TYW1B: variants seen among roughly 807,000 people sequenced by gnomAD.
The protein encoded by TYW1B is tRNA-yW synthesizing protein 1 homolog B, also known as S-adenosyl-L-methionine-dependent tRNA 4-demethylwyosine synthase TYW1B.
A neutral mutation model predicts 86.9 loss-of-function variants in TYW1B; 73 were observed. The observed-to-expected ratio is 0.84, with a 90% CI of 0.70 to 1.02. The LOEUF (loss-of-function observed/expected upper bound fraction) is 1.02. TYW1B is among the 50% of genes least tolerant of loss of function. The pLI is 0.00. For missense variants in TYW1B, 637 were observed against 827.4 expected (o/e 0.77, Z 2.82); for synonymous variants, 248 against 292.8 (o/e 0.85, Z 1.56).
intron 9 of TYW1B, among the ~76,000 whole-genome samples, chr7:72,716,180 G>GC (rs1554455928): frequency 6.6e-6 from 1 of 152,154 alleles, no homozygotes. Flanking sequence ...CTCGTGATCT[G>GC]CCCGCCTCGG....
intron 11 of TYW1B, among the ~76,000 whole-genome samples, chr7:72,656,411 G>A (rs1554443641): frequency 2.0e-5 from 3 of 152,166 alleles, no homozygotes; most frequent in African/African-American, 7.2e-5. Context: ...AAGCAAGAAA[G>A]CATGATACCT....
intron 11 of TYW1B, among the ~76,000 whole-genome samples, chr7:72,649,380 G>A (rs1213193481): frequency 6.6e-6 from 1 of 152,104 alleles, no homozygotes; most frequent in Non-Finnish European, 1.5e-5. Context: ...AACAAGAGAG[G>A]TGCCCTATCT....
chr7:72,776,181 A>T (rs1426294359), intron 7 of TYW1B, among the ~76,000 whole-genome samples: 1 of 152,150 alleles, frequency 6.6e-6, no homozygotes, highest in Non-Finnish European at 1.5e-5. Context: ...AATGTGTGAT[A>T]AAAATTACAT....
intron 11 of TYW1B, among the ~76,000 whole-genome samples, chr7:72,636,393 G>T (rs1257782047): frequency 1.3e-5 from 2 of 152,098 alleles, no homozygotes; most frequent in African/African-American, 4.8e-5. Context: ...TACTAAAAAT[G>T]ACATCTTCCT....
At chr7:72,730,749 T>A (rs1324023121) in intron 8 of TYW1B, among the ~76,000 whole-genome samples, 1 of 151,414 alleles carries the variant, frequency 6.6e-6, no homozygotes, top group Admixed American at 6.6e-5. Flanking sequence ...ACAGGAATGA[T>A]GGGACACCAT....
chr7:72,793,899 G>A (rs1788262611), intron 6 of TYW1B, among the ~76,000 whole-genome samples: 1 of 152,112 alleles, frequency 6.6e-6, no homozygotes, highest in Non-Finnish European at 1.5e-5. Context: ...AAAAGAGAGA[G>A]GCTAGAGGGA....
At chr7:72,703,837 AGGGTGAGACCCTGT>A (rs1814548732) in intron 10 of TYW1B, among the ~76,000 whole-genome samples, 1 of 151,246 alleles carries the variant, frequency 6.6e-6, no homozygotes, top group East Asian at 1.9e-4. Flanking sequence ...GCTGGGTGAC[AGGGTGAGACCCTGT>A]CTCAAAAAAA....
intron 7 of TYW1B, chr7:72,769,265 ATATG>A (rs1554469112): frequency 5.1e-6 from 1 of 197,838 alleles, no homozygotes; most frequent in African/African-American, 2.4e-5. Context: ...TGCATTGTGC[ATATG>A]TATGTGTCTT....
At chr7:72,733,374 C>A (rs1245094713) in intron 8 of TYW1B, among the ~76,000 whole-genome samples, 6 of 152,086 alleles carry the variant, frequency 3.9e-5, no homozygotes, top group Non-Finnish European at 8.8e-5. Context: ...GTATAAAAAT[C>A]CTTGGCCGGG....
At chr7:72,653,040 C>T (rs143109290) in intron 11 of TYW1B, among the ~76,000 whole-genome samples, 1,714 of 152,132 alleles carry the variant, frequency 0.011, 36 homozygotes, top group African/African-American at 0.039. Context: ...AATACTTAGA[C>T]AAAGGATCAT....
intron 11 of TYW1B, among the ~76,000 whole-genome samples, chr7:72,684,859 C>T (rs1311346367): frequency 1.3e-5 from 2 of 151,958 alleles, no homozygotes; most frequent in African/African-American, 2.4e-5. Context: ...GCCTATAATC[C>T]CAGCACTTTG....
intron 7 of TYW1B, among the ~76,000 whole-genome samples, chr7:72,754,661 C>T (rs1335366872): frequency 2.0e-5 from 3 of 151,726 alleles, no homozygotes; most frequent in African/African-American, 7.3e-5. Flanking sequence ...TGGTCTCCAA[C>T]TCCTGACCTC....
chr7:72,598,334 C>T (rs1180020473), intron 13 of TYW1B, among the ~76,000 whole-genome samples: 5 of 152,164 alleles, frequency 3.3e-5, no homozygotes, highest in South Asian at 4.2e-4. Flanking sequence ...AGCTTGCAGA[C>T]AGCTTATTGT....
chr7:72,574,905 C>A lies in TYW1B; in HGVS notation c.*593G>T. ...GGATGAGATCTAGTAGTTTTAGATC[C>A]GATGCAATTTTGGGAAGGGTTAGTA... On this transcript the variant is annotated 3_prime_UTR_variant, in exon 14 of 14. Transcript: ENST00000620995. The A allele has an allele frequency of 1.0e-6, 1 of 986,022 alleles. No homozygotes were observed. The highest frequency in any genetic ancestry group is 1.2e-6 in the Non-Finnish European group (1 of 830,482). 61.1% of individuals were successfully genotyped at this position (986,022 alleles called of 1,614,324 possible).
At chr7:72,694,248 T>G (rs1814252351) in intron 11 of TYW1B, among the ~76,000 whole-genome samples, 1 of 152,178 alleles carries the variant, frequency 6.6e-6, no homozygotes, top group African/African-American at 2.4e-5. Context: ...CAGGCAGGCG[T>G]GAACCACCAT....
chr7:72,575,085 C>G lies in TYW1B; in HGVS notation c.*413G>C. ...ACGTTTAGCTCAGGGTAGTGCAATTCAATGCTAAGTGGCTGCTCCATGAAA... is the reference window on the plus strand; with the variant it reads ...ACGTTTAGCTCAGGGTAGTGCAATTGAATGCTAAGTGGCTGCTCCATGAAA... On this transcript the variant is annotated 3_prime_UTR_variant, in exon 14 of 14. Transcript: ENST00000620995. 1.9e-6 allele frequency: 2 copies of G among 1,034,990 alleles called. No homozygotes were observed. The highest frequency in any genetic ancestry group is 1.2e-6 in the Non-Finnish European group (1 of 860,528). 64.1% of individuals were successfully genotyped at this position (1,034,990 alleles called of 1,614,324 possible).
At chr7:72,802,009 C>G (rs2129572505) in intron 6 of TYW1B, among the ~76,000 whole-genome samples, 1 of 151,266 alleles carries the variant, frequency 6.6e-6, no homozygotes, top group Non-Finnish European at 1.5e-5. Flanking sequence ...AATTTATAAG[C>G]TTTCTTAAAA....
In TYW1B at chr7:72,664,203, C is replaced by G. The variant is rs141262811; in HGVS notation, c.1506+30484G>C. Among the ~76,000 whole-genome samples, 788 of 152,208 alleles carry G rather than the reference C, an allele frequency of 5.2e-3. 6 individuals carry two copies. Among genetic ancestry groups the G allele is most frequent in the African/African-American group, 0.018 (749 of 41,530 alleles). ...CATCTCCACCAAACCATTGAGATTA[C>G]TTTGGTAACAGGCATCAATAATCTC... On this transcript the variant is annotated intron_variant, in intron 11 of 13. Transcript: ENST00000620995.
At chr7:72,820,486 A>G (rs1788808245) in intron 2 of TYW1B, among the ~76,000 whole-genome samples, 1 of 152,238 alleles carries the variant, frequency 6.6e-6, no homozygotes, top group South Asian at 2.1e-4. Flanking sequence ...TTGGTTCACA[A>G]TTCTGATATC....
Sources: allele counts gnomAD v4.1 joint callset (sites outside exome capture counted in the v4.1 genomes callset), GRCh38; gene constraint gnomAD v4.1.1; transcripts MANE v1.5; gene names NCBI Gene and HGNC (gene_info 2026-07-23, HGNC 2026-07-21).